CREB5: variants seen among roughly 807,000 people sequenced by gnomAD.
CREB5 encodes the protein cyclic AMP-responsive element-binding protein 5.
A neutral mutation model predicts 57.1 loss-of-function variants in CREB5; 19 were observed. The ratio of observed to expected loss-of-function variants is 0.33; its 90% CI spans 0.23 to 0.49. The LOEUF is 0.49. Ranked by LOEUF, CREB5 falls within the 20% of genes least tolerant of loss-of-function variation. CREB5 has a pLI of 0.99. For missense variants in CREB5, 579 were observed against 671.6 expected (o/e 0.86, Z 1.52); for synonymous variants, 238 against 238.3 (o/e 1.00, Z 0.01).
At chr7:28,542,508 G>C (rs1416880190) in intron 4 of CREB5, among the ~76,000 whole-genome samples, 1 of 152,172 alleles carries the variant, frequency 6.6e-6, no homozygotes, top group East Asian at 1.9e-4. Flanking sequence ...GTAAGAGACA[G>C]AGTGGAAAAT....
chr7:28,777,675 C>A (rs902876445), intron 7 of CREB5, among the ~76,000 whole-genome samples: 1 of 152,184 alleles, frequency 6.6e-6, no homozygotes, highest in Non-Finnish European at 1.5e-5. Flanking sequence ...TTGTGAATCA[C>A]TCTCTTTTGG....
intron 4 of CREB5, among the ~76,000 whole-genome samples, chr7:28,551,077 A>G (rs1243686237): frequency 2.6e-5 from 4 of 152,154 alleles, no homozygotes; most frequent in Non-Finnish European, 4.4e-5. Context: ...CCATTTCCAC[A>G]GAAAAAGGGG....
At chr7:28,561,549 A>AG (rs1296598451) in intron 4 of CREB5, among the ~76,000 whole-genome samples, 1 of 152,240 alleles carries the variant, frequency 6.6e-6, no homozygotes. Flanking sequence ...CTTATCAGAT[A>AG]GGGTTGTCTC....
At position 28,373,212 on chromosome 7, in the gene CREB5, G is replaced by A. The variant is rs192618291; in HGVS notation, c.-25+73771G>A. On this transcript the variant is annotated intron_variant, in intron 1 of 9. Transcript: ENST00000396299. ...CCTGACTGGACATCAGAAGAGTAGG[G>A]GCATGTCCCTCCCATGACGGTCAGG... Among the ~76,000 whole-genome samples the A allele has an allele frequency of 9.9e-5, 15 of 152,210 alleles. No homozygotes were observed. The East Asian group carries it at 2.9e-3, about 29-fold the overall frequency.
intron 1 of CREB5, among the ~76,000 whole-genome samples, chr7:28,416,153 C>G (rs1010323271): frequency 2.6e-5 from 4 of 152,322 alleles, no homozygotes; most frequent in African/African-American, 7.2e-5. Context: ...TGTTTGGCCT[C>G]ACCCACAGGT....
At chr7:28,555,443 G>A (rs1794827746) in intron 4 of CREB5, among the ~76,000 whole-genome samples, 1 of 152,118 alleles carries the variant, frequency 6.6e-6, no homozygotes, top group South Asian at 2.1e-4. Context: ...CCTTTAAAAA[G>A]GCGTTTTGTA....
At chr7:28,667,847 G>A (rs1432341191) in intron 5 of CREB5, among the ~76,000 whole-genome samples, 1 of 152,162 alleles carries the variant, frequency 6.6e-6, no homozygotes, top group Non-Finnish European at 1.5e-5. Context: ...AAATATGTTA[G>A]ACTGAAAAAT....
At chr7:28,776,718 G>A (rs1266025611) in intron 7 of CREB5, among the ~76,000 whole-genome samples, 2 of 152,132 alleles carry the variant, frequency 1.3e-5, no homozygotes, top group Non-Finnish European at 2.9e-5. Flanking sequence ...CCTCACCAGC[G>A]TCTGGCAACG....
chr7:28,730,270 A>G (rs975407692), intron 7 of CREB5, among the ~76,000 whole-genome samples: 2 of 152,122 alleles, frequency 1.3e-5, no homozygotes, highest in African/African-American at 4.8e-5. Flanking sequence ...TGCAGCCTCA[A>G]ACTTGCAGGC....
At chr7:28,373,314 G>T (rs1786752867) in intron 1 of CREB5, among the ~76,000 whole-genome samples, 1 of 152,148 alleles carries the variant, frequency 6.6e-6, no homozygotes, top group Non-Finnish European at 1.5e-5. Context: ...AAGTATATTA[G>T]AAATTGCTGT....
At chr7:28,321,773 A>T (rs76038061) in intron 1 of CREB5, among the ~76,000 whole-genome samples, 2,681 of 152,308 alleles carry the variant, frequency 0.018, 72 homozygotes, top group African/African-American at 0.06. Flanking sequence ...CACTTAGGAG[A>T]AACACATTCA....
At chr7:28,768,059 T>C (rs1324031472) in intron 7 of CREB5, among the ~76,000 whole-genome samples, 1 of 152,248 alleles carries the variant, frequency 6.6e-6, no homozygotes, top group Admixed American at 6.5e-5. Flanking sequence ...GGATTTTGCA[T>C]ATTTTAGCCC....
intron 1 of CREB5, among the ~76,000 whole-genome samples, chr7:28,468,757 C>T (rs557172344): frequency 4.6e-5 from 7 of 152,310 alleles, no homozygotes; most frequent in Non-Finnish European, 1.0e-4. Flanking sequence ...GAGTCAACCG[C>T]GTGCTAAATG....
chr7:28,560,913 T>TGTGTGTGTGTGTGCGTGCGCGCGC (rs1211404751), intron 4 of CREB5, among the ~76,000 whole-genome samples: 5 of 21,948 alleles, frequency 2.3e-4, no homozygotes, highest in African/African-American at 8.4e-4. Context: ...CGCGTGCGTG[T>TGTGTGTGTGTGTGCGTGCGCGCGC]GCGTGTGTGC....
chr7:28,322,025 C>A (rs749573390), intron 1 of CREB5, among the ~76,000 whole-genome samples: 1 of 152,182 alleles, frequency 6.6e-6, no homozygotes, highest in East Asian at 1.9e-4. Context: ...TTAGGTAACT[C>A]ATTTTATCCA....
intron 1 of CREB5, among the ~76,000 whole-genome samples, chr7:28,466,840 G>A (rs919626889): frequency 6.6e-6 from 1 of 152,204 alleles, no homozygotes; most frequent in Admixed American, 6.5e-5. Context: ...ATGGTTCTGG[G>A]CGTCAGAACA....
At chr7:28,375,298 G>A (rs1362736372) in intron 1 of CREB5, among the ~76,000 whole-genome samples, 3 of 152,106 alleles carry the variant, frequency 2.0e-5, no homozygotes, top group East Asian at 1.9e-4. Context: ...TTATTTGTGG[G>A]ATCTAATAAT....
chr7:28,383,717 G>A (rs6462081), intron 1 of CREB5, among the ~76,000 whole-genome samples: 130,834 of 152,098 alleles, frequency 0.86, 56,752 homozygotes, highest in Middle Eastern at 0.95. Flanking sequence ...TGACCCAATC[G>A]CCTCCCACCA....
At chr7:28,387,831 A>G (rs1787142471) in intron 1 of CREB5, among the ~76,000 whole-genome samples, 1 of 152,194 alleles carries the variant, frequency 6.6e-6, no homozygotes, top group Non-Finnish European at 1.5e-5. Flanking sequence ...AAAAAGAAAG[A>G]AAAAAATATG....
Sources: gnomAD v4.1 joint callset for allele counts (sites outside exome capture counted in the v4.1 genomes callset) on GRCh38, gnomAD v4.1.1 for gene constraint, MANE v1.5 for transcripts, NCBI Gene and HGNC (gene_info 2026-07-23, HGNC 2026-07-21) for gene names.